MRTFA: variants seen among roughly 807,000 people sequenced by gnomAD.
MRTFA encodes myocardin-related transcription factor A.
MRTFA carries 20 observed loss-of-function variants against 83.5 expected under a neutral mutation model. The ratio of observed to expected loss-of-function variants is 0.24; its 90% confidence interval spans 0.17 to 0.35. The LOEUF (loss-of-function observed/expected upper bound fraction) is 0.35, where lower values mean the gene tolerates loss of function less well. MRTFA is among the 10% of genes least tolerant of loss of function. MRTFA has a pLI of 1.00. For synonymous variants in MRTFA, 659 were observed against 541.2 expected (o/e 1.22, Z -3.02); for missense variants, 1,200 against 1,224.7 (o/e 0.98, Z 0.30).
At chr22:40,611,804 A>G (rs1386291070) in intron 1 of MRTFA, among the ~76,000 whole-genome samples, 1 of 152,234 alleles carries the variant, frequency 6.6e-6, no homozygotes, top group East Asian at 1.9e-4. Flanking sequence ...GTACACAGCT[A>G]TAGACTAACT....
intron 2 of MRTFA, among the ~76,000 whole-genome samples, chr22:40,580,830 C>A (rs1033298171): frequency 6.6e-6 from 1 of 152,224 alleles, no homozygotes; most frequent in Non-Finnish European, 1.5e-5. Context: ...CCAGGCTACA[C>A]TGGAACTCCT....
chr22:40,441,724 T>C (rs1390577150), intron 4 of MRTFA, among the ~76,000 whole-genome samples: 2 of 151,412 alleles, frequency 1.3e-5, no homozygotes, highest in African/African-American at 2.4e-5. Context: ...GAGGCGAAGG[T>C]TGCAGTGAGC....
At chr22:40,580,702 T>C (rs1009546995) in intron 2 of MRTFA, among the ~76,000 whole-genome samples, 5 of 152,192 alleles carry the variant, frequency 3.3e-5, no homozygotes, top group Admixed American at 6.5e-5. Flanking sequence ...GAAGGTAATA[T>C]AGCTTCTTTT....
At chr22:40,420,185 C>T (rs1186881384) in intron 11 of MRTFA, among the ~76,000 whole-genome samples, 2 of 152,240 alleles carry the variant, frequency 1.3e-5, no homozygotes, top group Non-Finnish European at 2.9e-5. Context: ...GGAACCACCA[C>T]GAGGAAGCTG....
chr22:40,465,732 TA>T, intron 3 of MRTFA, among the ~76,000 whole-genome samples: 1 of 149,588 alleles, frequency 6.7e-6, no homozygotes, highest in East Asian at 2.1e-4. Context: ...GGTAATTTTT[TA>T]ATTTTTTTTT....
chr22:40,604,099 T>C (rs1036136088), intron 1 of MRTFA, among the ~76,000 whole-genome samples: 1 of 151,630 alleles, frequency 6.6e-6, no homozygotes, highest in African/African-American at 2.4e-5. Flanking sequence ...GTGATCTCCA[T>C]AATCTACCTG....
intron 4 of MRTFA, among the ~76,000 whole-genome samples, chr22:40,455,166 G>A (rs1216629784): frequency 6.6e-6 from 1 of 152,082 alleles, no homozygotes; most frequent in Non-Finnish European, 1.5e-5. Flanking sequence ...ATAGCCACAT[G>A]TGCCTATTTA....
intron 3 of MRTFA, among the ~76,000 whole-genome samples, chr22:40,478,767 A>G (rs1024118709): frequency 3.3e-5 from 5 of 152,260 alleles, no homozygotes; most frequent in South Asian, 2.1e-4. Context: ...GTTACAACCC[A>G]TCGGAATGGC....
chr22:40,558,849 G>A (rs975957010), intron 2 of MRTFA, among the ~76,000 whole-genome samples: 15 of 150,330 alleles, frequency 1.0e-4, no homozygotes, highest in South Asian at 4.2e-4. Flanking sequence ...GCAGTGGCAC[G>A]ATCTTGGCTC....
At chr22:40,474,590 G>A (rs2053962892) in intron 3 of MRTFA, among the ~76,000 whole-genome samples, 1 of 152,076 alleles carries the variant, frequency 6.6e-6, no homozygotes, top group Non-Finnish European at 1.5e-5. Flanking sequence ...TTAGCTCCTT[G>A]TCCCAACCTC....
chr22:40,608,508 A>T (rs7289164), intron 1 of MRTFA, among the ~76,000 whole-genome samples: 54 of 152,338 alleles, frequency 3.5e-4, no homozygotes, highest in African/African-American at 1.3e-3. Flanking sequence ...ACAGTGCACC[A>T]GGTGCTGTAG....
chr22:40,562,599 GA>G (rs2055637736), intron 2 of MRTFA, among the ~76,000 whole-genome samples: 1 of 114,386 alleles, frequency 8.7e-6, no homozygotes, highest in African/African-American at 3.4e-5. Context: ...GAAAGGGAAG[GA>G]GGGGAAGGGG....
intron 3 of MRTFA, among the ~76,000 whole-genome samples, chr22:40,489,348 A>AT (rs763038203): frequency 0.026 from 3,734 of 144,598 alleles, 101 homozygotes; most frequent in African/African-American, 0.072. Flanking sequence ...ATAATTTCAA[A>AT]TTTTTTTTTT....
intron 3 of MRTFA, among the ~76,000 whole-genome samples, chr22:40,550,852 C>CTT (rs111531159): frequency 6.7e-5 from 6 of 89,510 alleles, no homozygotes; most frequent in Admixed American, 1.1e-4. Flanking sequence ...TTTCTTTTTT[C>CTT]TTTTTTTTTT....
At chr22:40,532,767 T>C (rs955336932) in intron 3 of MRTFA, among the ~76,000 whole-genome samples, 4 of 152,214 alleles carry the variant, frequency 2.6e-5, no homozygotes, top group South Asian at 4.1e-4. Flanking sequence ...AGAAGTCTTA[T>C]TTTCCTTTGA....
intron 3 of MRTFA, among the ~76,000 whole-genome samples, chr22:40,514,474 A>AT (rs979030081): frequency 0.043 from 5,566 of 129,086 alleles, 183 homozygotes; most frequent in African/African-American, 0.051. Context: ...TCCCTCCTAC[A>AT]TTTTTTTTTT....
Position 40,552,243 on chromosome 22 carries a change from G to A in MRTFA, c.104C>T (p.Ser35Phe). ...CTGGGGACTGGGTGCCGCAGATAAG[G>A]ACACGAGCACTGGTTCATCATCATT... The change falls in exon 3 of 15, where the codon TCC becomes TTC. Residue 35 changes from serine (S) to phenylalanine (F), a missense_variant. Physicochemically the swap from Ser to Phe is radical, Grantham distance 155 (BLOSUM62 -2). Around this residue, in one of 2 missense-constraint regions of MRTFA, gnomAD observed 93 missense variants for 182.9 expected, o/e 0.51. Transcript: ENST00000355630. The A allele has an allele frequency of 2.5e-6, 1 of 399,042 alleles. No individual in the cohort carries two copies. The highest frequency in any genetic ancestry group is 4.4e-5 in the Admixed American group (1 of 22,714). The allele number at this position is 399,042 out of a possible 1,614,324, so 24.7% of individuals were successfully genotyped here.
chr22:40,580,094 T>C (rs2147358355), intron 2 of MRTFA, among the ~76,000 whole-genome samples: 1 of 152,280 alleles, frequency 6.6e-6, no homozygotes, highest in East Asian at 1.9e-4. Flanking sequence ...AAAACCAACA[T>C]TAATGACTAT....
chr22:40,554,160 G>A (rs2055485396), intron 2 of MRTFA, among the ~76,000 whole-genome samples: 1 of 152,212 alleles, frequency 6.6e-6, no homozygotes, highest in Non-Finnish European at 1.5e-5. Context: ...TAGGTGGAAG[G>A]GACTTGCCTT....
Sources: gnomAD v4.1 joint callset for allele counts (sites outside exome capture counted in the v4.1 genomes callset) on GRCh38, gnomAD v4.1.1 for gene constraint, gnomAD v4.1.1 regional missense constraint, MANE v1.5 for transcripts, NCBI Gene and HGNC (gene_info 2026-07-23, HGNC 2026-07-21) for gene names.